Variants in PCDHGA9 observed in about 807,000 individuals in gnomAD.
The protein encoded by PCDHGA9 is protocadherin gamma-A9.
PCDHGA9 carries 37 observed loss-of-function variants against 62.5 expected under a neutral mutation model. That is an observed-to-expected ratio of 0.59 (90% CI 0.46 to 0.78). The LOEUF is 0.78. PCDHGA9 is among the 30% of genes least tolerant of loss of function. The pLI, the probability that PCDHGA9 is intolerant of heterozygous loss-of-function variation, is 0.00. For missense variants in PCDHGA9, 1,138 were observed against 1,166.2 expected, an observed-to-expected ratio of 0.98 and a Z score of 0.35; for synonymous variants, 459 against 484.6, an observed-to-expected ratio of 0.95 and a Z score of 0.69.
rs762926348 is a variant in PCDHGA9, at chr5:141,408,364, A to C, written c.2424+2988A>C. ...TGGTGGGGAACCTCGCTAAGGATCTAGGGCTCAGTGTCCTGGATGTGTCGG... is the reference window on the plus strand; with the variant it reads ...TGGTGGGGAACCTCGCTAAGGATCTCGGGCTCAGTGTCCTGGATGTGTCGG... On this transcript the variant is annotated intron_variant, in intron 1 of 3. Transcript: ENST00000573521. 3.7e-6 allele frequency: 6 copies of C among 1,613,960 alleles called. No individual in the cohort carries two copies. In the East Asian group the frequency reaches 1.3e-4, roughly 36 times the overall value.
chr5:141,433,328 G>C, intron 1 of PCDHGA9: 1 of 724,580 alleles, frequency 1.4e-6, no homozygotes, highest in Non-Finnish European at 2.3e-6. Context: ...GGTGTAACAG[G>C]GACTACAGGT....
intron 1 of PCDHGA9, among the ~76,000 whole-genome samples, chr5:141,455,137 G>A (rs892739175): frequency 2.7e-5 from 4 of 150,642 alleles, no homozygotes; most frequent in African/African-American, 9.8e-5. Flanking sequence ...ATTACACTGT[G>A]TTAAATAAAT....
chr5:141,404,062 T>G lies in PCDHGA9; in HGVS notation c.1110T>G (p.Asn370Lys). ...AGGGAACAGTAATTCTTCTTTTCAA[T>G]GCTCATGACCGAGACTCCGGGAAGA... ...APQGTVILLF[N>K]AHDRDSGKNG... The change falls in exon 1 of 4, where the codon AAT (asparagine) becomes AAG (lysine). Residue 370 changes from asparagine (N) to lysine (K), a missense_variant. Transcript: ENST00000573521. 1 of 1,613,906 alleles carries G rather than the reference T, an allele frequency of 6.2e-7. No individual in the cohort carries two copies. The highest frequency in any genetic ancestry group is 1.3e-5 in the African/African-American group (1 of 75,052).
intron 1 of PCDHGA9, among the ~76,000 whole-genome samples, chr5:141,488,118 A>G (rs1054356891): frequency 2.7e-4 from 41 of 152,190 alleles, no homozygotes; most frequent in Non-Finnish European, 2.9e-5. Context: ...AAACATAGAG[A>G]CAGCAGAAAG....
chr5:141,470,671 C>T (rs2099236433), intron 1 of PCDHGA9, among the ~76,000 whole-genome samples: 1 of 152,064 alleles, frequency 6.6e-6, no homozygotes, highest in African/African-American at 2.4e-5. Context: ...TAGGGCTCTG[C>T]TGTTACCATC....
chr5:141,415,828 G>T, intron 1 of PCDHGA9: 1 of 1,293,336 alleles, frequency 7.7e-7, no homozygotes, highest in East Asian at 2.8e-5. Flanking sequence ...ATAAGGCTTT[G>T]TTATGATTAG....
chr5:141,502,028 G>A (rs561260963), intron 2 of PCDHGA9, among the ~76,000 whole-genome samples: 62 of 152,150 alleles, frequency 4.1e-4, no homozygotes, highest in African/African-American at 1.5e-3. Flanking sequence ...TGCAACCCCC[G>A]CCGCTTGCCT....
rs140184617 is a variant in PCDHGA9, at chr5:141,405,523, G to A, written c.2424+147G>A. ...CAACCTCCGCCTCCCAAATTCAAGC[G>A]ATTCTCCTGCCTCAGCCTCCCAAGT... is the stretch of plus-strand genomic sequence containing the variant. On this transcript the variant is annotated intron_variant, in intron 1 of 3. Transcript: ENST00000573521. 5.4e-4 allele frequency: 366 copies of A among 679,318 alleles called. 4 individuals carry two copies. In the East Asian group the frequency reaches 9.7e-3, roughly 18 times the overall value. The allele number at this position is 679,318 out of a possible 1,614,324, so 42.1% of individuals were successfully genotyped here.
At position 141,487,855 on chromosome 5, in the gene PCDHGA9, A is replaced by T; in HGVS notation, c.2425-6952A>T. 1 of 974,210 alleles carries T rather than the reference A, an allele frequency of 1.0e-6. No homozygotes were observed. 60.3% of individuals were successfully genotyped at this position (974,210 alleles called of 1,614,324 possible). A position where few individuals can be genotyped will look rare whatever the true frequency, so the allele number is the denominator to read the frequency against. On this transcript the variant is annotated intron_variant, in intron 1 of 3. Coordinates refer to ENST00000573521, the MANE Select transcript of PCDHGA9 (RefSeq NM_018921.3). This position sits in a 1 kb window ranked among gnomAD's most constrained non-coding sequence, Gnocchi z 5.0. Reference sequence around the variant, plus strand: ...TATATCTGAGTAAGAAATGAAAGTAATTGGTGATCAAGAGCCAGGCTGTTG... The same window carrying T: ...TATATCTGAGTAAGAAATGAAAGTATTTGGTGATCAAGAGCCAGGCTGTTG...
chr5:141,435,372 T>C (rs2097759153), intron 1 of PCDHGA9, among the ~76,000 whole-genome samples: 1 of 152,216 alleles, frequency 6.6e-6, no homozygotes, highest in African/African-American at 2.4e-5. Context: ...CACTTAAATA[T>C]ACAATATACC....
At chr5:141,475,512 C>A (rs2099364350) in intron 1 of PCDHGA9, among the ~76,000 whole-genome samples, 2 of 152,326 alleles carry the variant, frequency 1.3e-5, no homozygotes, top group South Asian at 4.1e-4. Context: ...AATGTCTCCA[C>A]GGAAATGCTA....
At chr5:141,473,884 G>T (rs1162382168) in intron 1 of PCDHGA9, among the ~76,000 whole-genome samples, 1 of 152,162 alleles carries the variant, frequency 6.6e-6, no homozygotes, top group African/African-American at 2.4e-5. Context: ...ATACACAAGG[G>T]TTCTGTTGGT....
chr5:141,451,797 C>T (rs1207473455), intron 1 of PCDHGA9, among the ~76,000 whole-genome samples: 1 of 152,006 alleles, frequency 6.6e-6, no homozygotes, highest in African/African-American at 2.4e-5. Context: ...CAGAGAATTG[C>T]TTGAACCCAG....
intron 1 of PCDHGA9, chr5:141,415,028 C>T (rs756347396): frequency 3.1e-6 from 5 of 1,613,524 alleles, no homozygotes; most frequent in Middle Eastern, 1.7e-4. Context: ...GCCAGCGAGC[C>T]GGGACTCTTC....
chr5:141,448,426 T>C (rs892222815), intron 1 of PCDHGA9, among the ~76,000 whole-genome samples: 1 of 152,164 alleles, frequency 6.6e-6, no homozygotes, highest in Non-Finnish European at 1.5e-5. Context: ...ATACTATGTA[T>C]ATATTGAGAA....
rs1173306822 is a variant in PCDHGA9 at position 141,431,115 on chromosome 5, T to C, written c.2424+25739T>C. The C allele has an allele frequency of 9.3e-6, 15 of 1,613,492 alleles. No individual in the cohort carries two copies. The highest frequency in any genetic ancestry group is 1.3e-5 in the Non-Finnish European group (15 of 1,179,878). On this transcript the variant is annotated intron_variant, in intron 1 of 3. Coordinates refer to ENST00000573521, the MANE Select transcript of PCDHGA9 (RefSeq NM_018921.3). The surrounding 1 kb of genome is among the most constrained non-coding windows in gnomAD (Gnocchi z 4.8). The stretch of plus-strand genomic sequence containing the variant: ...GAGGATAAAGTGAAAATATATGGAG[T>C]AGAAGTAGAAGTAAGGGACATTAAC...
At chr5:141,433,124 G>T in intron 1 of PCDHGA9, 5 of 1,614,136 alleles carry the variant, frequency 3.1e-6, no homozygotes, top group Non-Finnish European at 4.2e-6. Context: ...TGAAAAAAGC[G>T]AGCCCCTTTT....
At chr5:141,499,908 G>A (rs903753761) in intron 2 of PCDHGA9, among the ~76,000 whole-genome samples, 2 of 151,980 alleles carry the variant, frequency 1.3e-5, no homozygotes, top group African/African-American at 2.4e-5. Flanking sequence ...GGCTGGTCTT[G>A]AACTCCTGGC....
chr5:141,431,049 T>C lies in PCDHGA9; in HGVS notation c.2424+25673T>C, dbSNP rs1226000576. On this transcript the variant is annotated intron_variant, in intron 1 of 3. Coordinates refer to ENST00000573521, the MANE Select transcript of PCDHGA9 (RefSeq NM_018921.3). The surrounding 1 kb of genome is among the most constrained non-coding windows in gnomAD (Gnocchi z 4.8). Reference sequence around the variant, plus strand: ...AGGATAGACCGGGAGGAGCTCTGTATGGGGGCCATCAAGTGTCAATTAAAT... The same window carrying C: ...AGGATAGACCGGGAGGAGCTCTGTACGGGGGCCATCAAGTGTCAATTAAAT... The C allele has an allele frequency of 6.2e-7, 1 of 1,614,162 alleles. No homozygotes were observed. Among genetic ancestry groups the C allele is most frequent in the Non-Finnish European group, 8.5e-7 (1 of 1,180,014 alleles).
Sources: allele counts gnomAD v4.1 joint callset (sites outside exome capture counted in the v4.1 genomes callset), GRCh38; gene constraint gnomAD v4.1.1; non-coding constraint Gnocchi (gnomAD v3.1); transcripts MANE v1.5; gene names NCBI Gene and HGNC (gene_info 2026-07-23, HGNC 2026-07-21).